L3MBTL4: variants seen among roughly 807,000 people sequenced by gnomAD.
L3MBTL4 encodes the protein lethal(3)malignant brain tumor-like protein 4.
In L3MBTL4, 70 loss-of-function variants were observed where a neutral mutation model predicts 84.5. The ratio of observed to expected loss-of-function variants is 0.83; its 90% CI spans 0.68 to 1.01. The LOEUF (loss-of-function observed/expected upper bound fraction) is 1.01, where lower values mean the gene tolerates loss of function less well. L3MBTL4 is among the 50% of genes least tolerant of loss of function. L3MBTL4 has a pLI of 0.00. For synonymous variants in L3MBTL4, 274 were observed against 259.8 expected (o/e 1.05, Z -0.52); for missense variants, 715 against 754.8 (o/e 0.95, Z 0.62).
intron 12 of L3MBTL4, among the ~76,000 whole-genome samples, chr18:6,191,072 A>G (rs2045058605): frequency 6.6e-6 from 1 of 152,054 alleles, no homozygotes; most frequent in Admixed American, 6.5e-5. Context: ...AGACAGGAAG[A>G]GAGACTAGAG....
chr18:6,092,381 G>A (rs1257681530), intron 15 of L3MBTL4, among the ~76,000 whole-genome samples: 1 of 152,190 alleles, frequency 6.6e-6, no homozygotes, highest in Admixed American at 6.5e-5. Flanking sequence ...GGATGGAGGT[G>A]CAAATGCTGG....
intron 4 of L3MBTL4, among the ~76,000 whole-genome samples, chr18:6,269,070 T>C (rs913444116): frequency 6.6e-6 from 1 of 152,188 alleles, no homozygotes; most frequent in Admixed American, 6.5e-5. Flanking sequence ...AAATTCCAAT[T>C]TAATTAGTAA....
At chr18:6,343,661 CAAA>C (rs1192917126) in intron 1 of L3MBTL4, among the ~76,000 whole-genome samples, 3 of 85,814 alleles carry the variant, frequency 3.5e-5, no homozygotes, top group Non-Finnish European at 2.5e-5. Flanking sequence ...GACACCATAT[CAAA>C]AAAAAAAAAA....
chr18:6,031,498 T>A, intron 16 of L3MBTL4: 1 of 985,424 alleles, frequency 1.0e-6, no homozygotes, highest in Non-Finnish European at 1.2e-6. Flanking sequence ...TTTTTTTAAG[T>A]ATTTACTTAG....
intron 16 of L3MBTL4, among the ~76,000 whole-genome samples, chr18:6,065,744 T>C (rs911493315): frequency 1.3e-5 from 2 of 152,024 alleles, no homozygotes; most frequent in African/African-American, 4.8e-5. Flanking sequence ...GGATATTCTC[T>C]TTTTTTCTTG....
At chr18:6,327,278 G>C (rs1043386692) in intron 1 of L3MBTL4, among the ~76,000 whole-genome samples, 2 of 152,174 alleles carry the variant, frequency 1.3e-5, no homozygotes, top group Non-Finnish European at 2.9e-5. Context: ...TTTCTAGATA[G>C]ATAGAAAACC....
At chr18:6,371,626 T>C (rs2054164350) in intron 1 of L3MBTL4, among the ~76,000 whole-genome samples, 1 of 152,182 alleles carries the variant, frequency 6.6e-6, no homozygotes, top group East Asian at 1.9e-4. Context: ...CCGCCCCAAA[T>C]GTTACTGAAT....
chr18:6,280,665 G>A (rs2049282684), intron 4 of L3MBTL4, among the ~76,000 whole-genome samples: 1 of 152,180 alleles, frequency 6.6e-6, no homozygotes, highest in Non-Finnish European at 1.5e-5. Flanking sequence ...TTTTGCAGAG[G>A]TGGTTAAGCT....
intron 14 of L3MBTL4, among the ~76,000 whole-genome samples, chr18:6,121,592 T>C (rs1363839494): frequency 6.6e-6 from 1 of 152,058 alleles, no homozygotes; most frequent in Non-Finnish European, 1.5e-5. Flanking sequence ...AGGAGCACTT[T>C]CACAGCCCTA....
intron 1 of L3MBTL4, among the ~76,000 whole-genome samples, chr18:6,334,769 G>C (rs1241922792): frequency 6.6e-6 from 1 of 152,134 alleles, no homozygotes; most frequent in Non-Finnish European, 1.5e-5. Flanking sequence ...AGATTTCTTT[G>C]TGATTCCCAA....
chr18:6,133,408 T>C (rs2144565968), intron 14 of L3MBTL4, among the ~76,000 whole-genome samples: 1 of 152,102 alleles, frequency 6.6e-6, no homozygotes, highest in Admixed American at 6.5e-5. Flanking sequence ...TCCATGGCTA[T>C]ATACTCCTAG....
chr18:6,268,204 G>A (rs867065460), intron 4 of L3MBTL4, among the ~76,000 whole-genome samples: 17 of 152,204 alleles, frequency 1.1e-4, no homozygotes, highest in Admixed American at 3.9e-4. Flanking sequence ...TCAGGAGTTC[G>A]AGACCAGCCT....
chr18:6,330,871 T>A (rs1183288210), intron 1 of L3MBTL4, among the ~76,000 whole-genome samples: 1 of 152,230 alleles, frequency 6.6e-6, no homozygotes, highest in African/African-American at 2.4e-5. Flanking sequence ...TACTAAACAT[T>A]AAAATACATT....
Position 6,364,048 on chromosome 18 carries a change from C to T in L3MBTL4, c.-91+50753G>A, listed in dbSNP as rs143487242. Among the ~76,000 whole-genome samples, 1,273 of 152,150 alleles carry T rather than the reference C, an allele frequency of 8.4e-3. 10 individuals carry two copies. Among genetic ancestry groups the T allele is most frequent in the Non-Finnish European group, 0.014 (950 of 67,996 alleles). On this transcript the variant is annotated intron_variant, in intron 1 of 18. Coordinates refer to ENST00000317931, the MANE Select transcript of L3MBTL4 (RefSeq NM_001330559.2). ...CTCTATGATATTTTTAAGGGGTCCT[C>T]GACATCCTCTCTTTTTGGTCCTTGT...
intron 1 of L3MBTL4, among the ~76,000 whole-genome samples, chr18:6,390,303 A>T (rs1018137849): frequency 6.6e-6 from 1 of 152,198 alleles, no homozygotes; most frequent in Admixed American, 6.6e-5. Context: ...GACACAAGTT[A>T]TCAAAACTTC....
intron 4 of L3MBTL4, among the ~76,000 whole-genome samples, chr18:6,298,069 A>G (rs1309333791): frequency 6.6e-6 from 1 of 152,212 alleles, no homozygotes; most frequent in Non-Finnish European, 1.5e-5. Flanking sequence ...GACTTGAAGG[A>G]AATGTTTACT....
At chr18:6,111,807 T>C (rs1017541546) in intron 14 of L3MBTL4, among the ~76,000 whole-genome samples, 2 of 152,180 alleles carry the variant, frequency 1.3e-5, no homozygotes, top group Non-Finnish European at 2.9e-5. Context: ...TCTAGCTAAT[T>C]AACATATGTA....
intron 13 of L3MBTL4, among the ~76,000 whole-genome samples, chr18:6,153,221 T>A (rs1048561450): frequency 1.3e-5 from 2 of 152,210 alleles, no homozygotes; most frequent in African/African-American, 4.8e-5. Context: ...GGGTCTTTTG[T>A]AGCTCCATGA....
Position 6,153,681 on chromosome 18 carries a change from G to A in L3MBTL4, c.1097-15385C>T, listed in dbSNP as rs117070261. 3.3e-5 allele frequency among the ~76,000 whole-genome samples: 5 copies of A among 152,222 alleles called. No individual in the cohort carries two copies. The East Asian group carries it at 9.6e-4, about 29-fold the overall frequency. ...ATTGCAATCCCCATGTGTTGAGGGA[G>A]GAAGGTGATTGGATCATAAGGGTGG... is the stretch of plus-strand genomic sequence containing the variant. On this transcript the variant is annotated intron_variant, in intron 13 of 18. Transcript: ENST00000317931.
Sources: allele counts gnomAD v4.1 joint callset (sites outside exome capture counted in the v4.1 genomes callset), GRCh38; gene constraint gnomAD v4.1.1; transcripts MANE v1.5; gene names NCBI Gene and HGNC (gene_info 2026-07-23, HGNC 2026-07-21).